Variants in KCNMA1 observed in about 807,000 individuals in gnomAD.
KCNMA1 encodes the protein Calcium-activated potassium channel subunit alpha-1.
In KCNMA1, 29 loss-of-function variants were observed where a neutral mutation model predicts 140.0. The observed-to-expected ratio is 0.21, with a 90% CI of 0.15 to 0.28. KCNMA1 has a LOEUF of 0.28. Among genes scored for constraint, KCNMA1 ranks in the 10% least tolerant of loss-of-function variants. The pLI, the probability that KCNMA1 is intolerant of heterozygous loss-of-function variation, is 1.00. For synonymous variants in KCNMA1, 612 were observed against 611.9 expected (o/e 1.00, Z 0.00); for missense variants, 880 against 1,602.2 (o/e 0.55, Z 7.70).
At chr10:77,049,840 C>T (rs1350488293) in intron 14 of KCNMA1, among the ~76,000 whole-genome samples, 1 of 152,192 alleles carries the variant, frequency 6.6e-6, no homozygotes, top group East Asian at 1.9e-4. Flanking sequence ...CATTTTTACA[C>T]TTCCCAAAAA....
intron 23 of KCNMA1, among the ~76,000 whole-genome samples, chr10:76,937,548 C>G (rs7070122): frequency 0.84 from 127,247 of 152,188 alleles, 53,304 homozygotes; most frequent in Middle Eastern, 0.92. Flanking sequence ...CTGTGGATTT[C>G]ATCCCAGAGT....
intron 1 of KCNMA1, among the ~76,000 whole-genome samples, chr10:77,477,875 C>T (rs764520504): frequency 3.9e-5 from 6 of 152,262 alleles, no homozygotes; most frequent in Admixed American, 6.5e-5. Flanking sequence ...CCTTCAGACC[C>T]GGTTAAATGT....
chr10:77,227,447 A>G (rs1414117178), intron 3 of KCNMA1, among the ~76,000 whole-genome samples: 2 of 152,180 alleles, frequency 1.3e-5, no homozygotes, highest in East Asian at 3.9e-4. Context: ...AATAAAACAG[A>G]ACCACCTTTG....
intron 5 of KCNMA1, among the ~76,000 whole-genome samples, chr10:77,155,097 CATGGCAGGCTTT>C (rs2098467804): frequency 6.6e-6 from 1 of 152,036 alleles, no homozygotes; most frequent in East Asian, 1.9e-4. Flanking sequence ...GCTCTAAGGC[CATGGCAGGCTTT>C]ATGGGCCGTA....
chr10:77,212,288 T>A (rs2046324457), intron 3 of KCNMA1, among the ~76,000 whole-genome samples: 1 of 152,198 alleles, frequency 6.6e-6, no homozygotes, highest in Non-Finnish European at 1.5e-5. Flanking sequence ...TGAAATCAAG[T>A]CTTTTGTGGT....
chr10:77,336,551 C>T (rs2089116763), intron 2 of KCNMA1, among the ~76,000 whole-genome samples: 1 of 152,014 alleles, frequency 6.6e-6, no homozygotes, highest in Non-Finnish European at 1.5e-5. Flanking sequence ...GCATGGCCCA[C>T]AATTTTTAGT....
At chr10:77,067,646 A>G (rs1009001196) in intron 14 of KCNMA1, among the ~76,000 whole-genome samples, 10 of 152,122 alleles carry the variant, frequency 6.6e-5, no homozygotes, top group African/African-American at 2.4e-4. Flanking sequence ...CACCTCCTCA[A>G]AACAGCAGTG....
Position 77,574,486 on chromosome 10 carries a change from A to G in KCNMA1, c.378+62779T>C, listed in dbSNP as rs532007384. 1.9e-4 allele frequency among the ~76,000 whole-genome samples: 29 copies of G among 152,292 alleles called. No homozygotes were observed. The South Asian group carries it at 5.8e-3, about 30-fold the overall frequency. On this transcript the variant is annotated intron_variant, in intron 1 of 27. Transcript: ENST00000286628. ...TGTTTTTTCTGGTGTTACTGAATCC[A>G]GGCATTCTGTATTAAAATCATCCCA...
At chr10:77,483,040 A>ACC (rs2098419527) in intron 1 of KCNMA1, among the ~76,000 whole-genome samples, 2 of 108,296 alleles carry the variant, frequency 1.8e-5, no homozygotes, top group Non-Finnish European at 3.8e-5. Context: ...ACACACACAC[A>ACC]CCCCTTGTTC....
intron 2 of KCNMA1, among the ~76,000 whole-genome samples, chr10:77,258,186 A>G (rs1174356187): frequency 3.9e-5 from 6 of 152,240 alleles, no homozygotes; most frequent in Non-Finnish European, 5.9e-5. Context: ...TTGAAAAGGT[A>G]GCCCTCACTT....
At chr10:77,563,971 G>T (rs1262626219) in intron 1 of KCNMA1, among the ~76,000 whole-genome samples, 4 of 152,166 alleles carry the variant, frequency 2.6e-5, no homozygotes, top group Non-Finnish European at 4.4e-5. Context: ...CAAAGTAAGG[G>T]GAATCACAGA....
At chr10:77,035,807 G>A in intron 15 of KCNMA1, among the ~76,000 whole-genome samples, 1 of 152,102 alleles carries the variant, frequency 6.6e-6, no homozygotes, top group East Asian at 1.9e-4. Context: ...GAGGGAGAGG[G>A]GAAAAGACAT....
intron 1 of KCNMA1, among the ~76,000 whole-genome samples, chr10:77,434,295 C>T (rs530040597): frequency 6.6e-6 from 1 of 152,214 alleles, no homozygotes; most frequent in Non-Finnish European, 1.5e-5. Flanking sequence ...CCAGAACAGG[C>T]ATTCTTCCTG....
At chr10:77,515,571 C>A (rs816841) in intron 1 of KCNMA1, among the ~76,000 whole-genome samples, 16,198 of 152,116 alleles carry the variant, frequency 0.11, 1,170 homozygotes, top group African/African-American at 0.18. Context: ...AGCCAGAGGG[C>A]AAGGACCAAC....
At chr10:76,923,822 A>AAAACAAAC (rs140429877) in intron 23 of KCNMA1, among the ~76,000 whole-genome samples, 1 of 151,984 alleles carries the variant, frequency 6.6e-6, no homozygotes, top group African/African-American at 2.4e-5. Flanking sequence ...GTCTCTACTA[A>AAAACAAAC]AAACAAACAA....
In KCNMA1 at chr10:77,099,714, CAA is replaced by C. The variant is rs58252192; in HGVS notation, c.1223+8765_1223+8766del. Among the ~76,000 whole-genome samples the C allele has an allele frequency of 1.2e-3, 145 of 125,800 alleles. No homozygotes were observed. In the Middle Eastern group the frequency reaches 0.012, roughly 11 times the overall value. 82.5% of individuals were successfully genotyped at this position (125,800 alleles called of 152,430 possible). A position where few individuals can be genotyped will look rare whatever the true frequency, so the allele number is the denominator to read the frequency against. ...GGGCAACAAGAGCAAAACTCCATCT[CAA>C]AAAAAAAAAAAAAGAAAAGGAAAAA... On this transcript the variant is annotated intron_variant, in intron 9 of 27. Coordinates refer to ENST00000286628, the MANE Select transcript of KCNMA1 (RefSeq NM_001161352.2).
chr10:77,450,490 C>T (rs2097622953), intron 1 of KCNMA1, among the ~76,000 whole-genome samples: 1 of 152,028 alleles, frequency 6.6e-6, no homozygotes, highest in Non-Finnish European at 1.5e-5. Context: ...ATAAAATACA[C>T]CCAAATGTGA....
At chr10:77,019,155 A>G in intron 16 of KCNMA1, 56 bp from the exon 17 acceptor site, 1 of 968,620 alleles carries the variant, frequency 1.0e-6, no homozygotes, top group Middle Eastern at 2.1e-4. Flanking sequence ...CATGTTCTGA[A>G]TAAAACCTTG....
exon 28 of KCNMA1, chr10:76,870,116 C>T (rs1404521967): frequency 6.5e-6 from 1 of 152,738 alleles, no homozygotes; most frequent in African/African-American, 2.4e-5. Flanking sequence ...GCGTGTCAGG[C>T]TGCATTGAGC....
Sources: gnomAD v4.1 joint callset for allele counts (sites outside exome capture counted in the v4.1 genomes callset) on GRCh38, gnomAD v4.1.1 for gene constraint, MANE v1.5 for transcripts, NCBI Gene and HGNC (gene_info 2026-07-23, HGNC 2026-07-21) for gene names.